Variants in LRCH4 observed in about 807,000 individuals in gnomAD.
LRCH4 encodes leucine-rich repeat and calponin homology domain-containing protein 4.
A neutral mutation model predicts 81.2 loss-of-function variants in LRCH4; 56 were observed. The observed-to-expected ratio is 0.69, with a 90% confidence interval of 0.56 to 0.86. The LOEUF (loss-of-function observed/expected upper bound fraction) is 0.86. LRCH4 is among the 40% of genes least tolerant of loss of function. LRCH4 has a pLI of 0.00. For missense variants in LRCH4, 895 were observed against 922.8 expected, an observed-to-expected ratio of 0.97 and a Z score of 0.39; for synonymous variants, 442 against 409.7, an observed-to-expected ratio of 1.08 and a Z score of -0.95.
rs894646715 is a variant in LRCH4 at position 100,577,488 on chromosome 7, T to C, written c.1178+9A>G. On this transcript the variant is annotated intron_variant, in intron 10 of 17. Transcript: ENST00000310300. The surrounding 1 kb of genome is among the most constrained non-coding windows in gnomAD (Gnocchi z 6.7). ...CGGGCAGTGGCGTCAGTTTGGGGGC[T>C]TGGGGTACCTGCTGCTTGGTGCCCT... 1.2e-6 allele frequency: 2 copies of C among 1,607,902 alleles called. No homozygotes were observed. The highest frequency in any genetic ancestry group is 1.7e-4 in the Middle Eastern group (1 of 6,056).
chr7:100,576,428 G>T, intron 14 of LRCH4, 105 bp from the exon 15 acceptor site: 1 of 804,680 alleles, frequency 1.2e-6, no homozygotes, highest in South Asian at 1.6e-5. Flanking sequence ...TCTGCTTGTG[G>T]GATTTTTTTT....
chr7:100,583,491 G>T lies in LRCH4; in HGVS notation c.221-1032C>A, dbSNP rs1801625106. Among the ~76,000 whole-genome samples the T allele has an allele frequency of 6.6e-6, 1 of 152,186 alleles. No individual in the cohort carries two copies. The highest frequency in any genetic ancestry group is 1.5e-5 in the Non-Finnish European group (1 of 68,020). ...GGCGGAGTCCCAGGCCACAGACCTG[G>T]TGAGCTTCTCCAAGGGCCCTTCTCA... On this transcript the variant is annotated intron_variant, in intron 1 of 17. Transcript: ENST00000310300. This position sits in a 1 kb window ranked among gnomAD's most constrained non-coding sequence, Gnocchi z 4.3.
At position 100,578,801 on chromosome 7, in the gene LRCH4, C is replaced by T. The variant is rs1399884421; in HGVS notation, c.599-15G>A. On this transcript the variant is annotated splice_polypyrimidine_tract_variant and intron_variant, in intron 4 of 17. Coordinates refer to ENST00000310300, the MANE Select transcript of LRCH4 (RefSeq NM_002319.5). This position sits in a 1 kb window ranked among gnomAD's most constrained non-coding sequence, Gnocchi z 5.7. Reference sequence around the variant, plus strand: ...GTCCCCCAGCTCTGGAACAGGTGGGCAAGGGAAAAGTCAGGAACATGCTCA... The same window carrying T: ...GTCCCCCAGCTCTGGAACAGGTGGGTAAGGGAAAAGTCAGGAACATGCTCA... 8.7e-6 allele frequency: 14 copies of T among 1,611,162 alleles called. No homozygotes were observed. Among genetic ancestry groups the T allele is most frequent in the Non-Finnish European group, 1.1e-5 (13 of 1,179,006 alleles).
chr7:100,584,580 C>T lies in LRCH4; in HGVS notation c.220+1301G>A. 3 of 409,760 alleles carry T rather than the reference C, an allele frequency of 7.3e-6. No homozygotes were observed. The Admixed American group carries it at 8.0e-5, about 11-fold the overall frequency. The allele number at this position is 409,760 out of a possible 1,614,324, so 25.4% of individuals were successfully genotyped here. On this transcript the variant is annotated intron_variant, in intron 1 of 17. Coordinates refer to ENST00000310300, the MANE Select transcript of LRCH4 (RefSeq NM_002319.5). ...GGGGAAGGGAACAGACAGTGAGTGT[C>T]ACACAGCTGCTGAGGTCAATCTGGA...
At chr7:100,581,751 C>G (rs1448333596) in intron 4 of LRCH4, 26 bp downstream of exon 4, 2 of 1,607,258 alleles carry the variant, frequency 1.2e-6, no homozygotes, top group Non-Finnish European at 1.7e-6. Flanking sequence ...ACAAACACCT[C>G]CTCTCCAGTT....
Position 100,575,195 on chromosome 7 carries a change from G to A in LRCH4, c.1964C>T (p.Pro655Leu), listed in dbSNP as rs1172041484. 3.1e-6 allele frequency: 5 copies of A among 1,612,666 alleles called. No individual in the cohort carries two copies. Among genetic ancestry groups the A allele is most frequent in the Non-Finnish European group, 3.4e-6 (4 of 1,179,448 alleles). Residue 655 changes from proline (P) to leucine (L), a missense_variant, in exon 18 of 18, where the codon CCC (proline) becomes CTC (leucine). Physicochemically the swap from Pro to Leu is moderately conservative, Grantham distance 98 (BLOSUM62 -3). Coordinates refer to ENST00000310300, the MANE Select transcript of LRCH4 (RefSeq NM_002319.5). This position sits in a 1 kb window ranked among gnomAD's most constrained non-coding sequence, Gnocchi z 5.3. ...GACGAAGCCGCCCAGACCAGAGGGG[G>A]GCCAGAGGGGCGGTAGGGCCTTGCC... ...VGGKALPPLW[P>L]PSGLGGFVVF...
At chr7:100,584,238 T>C (rs1270281864) in intron 1 of LRCH4, 1 of 456,554 alleles carries the variant, frequency 2.2e-6, no homozygotes, top group Admixed American at 2.3e-5. Flanking sequence ...TTCCCCTTTC[T>C]GTCCCTGCTT....
chr7:100,575,290 C>A lies in LRCH4; in HGVS notation c.1869G>T (p.Ser623=). Reference sequence around the variant, plus strand: ...CAGTGCCCTGGAGGAGATCCGAGGGCGAGCACAGGTCAGCCTGGGGGAGAG... The same window carrying A: ...CAGTGCCCTGGAGGAGATCCGAGGGAGAGCACAGGTCAGCCTGGGGGAGAG... ...KMGVPEADLC[S]PSDLLQGTAR... Residue 623 remains serine, a synonymous_variant, in exon 18 of 18, where the codon TCG becomes TCT. Transcript: ENST00000310300. This position sits in a 1 kb window ranked among gnomAD's most constrained non-coding sequence, Gnocchi z 5.3. 1 of 1,553,784 alleles carries A rather than the reference C, an allele frequency of 6.4e-7. No homozygotes were observed. The highest frequency in any genetic ancestry group is 8.7e-7 in the Non-Finnish European group (1 of 1,146,594).
chr7:100,575,549 G>T lies in LRCH4; in HGVS notation c.1854+156C>A, dbSNP rs547855694. 1.2e-3 allele frequency: 1,179 copies of T among 958,534 alleles called. 4 individuals carry two copies. Among genetic ancestry groups the T allele is most frequent in the Non-Finnish European group, 1.5e-3 (884 of 591,378 alleles). 59.4% of individuals were successfully genotyped at this position (958,534 alleles called of 1,614,324 possible). ...TGTAGGACAGGTGACATGCAGGGCA[G>T]GGGGCATGCAGGGCAGGGGGCATGC... On this transcript the variant is annotated intron_variant, in intron 17 of 17. Transcript: ENST00000310300. The surrounding 1 kb of genome is among the most constrained non-coding windows in gnomAD (Gnocchi z 5.3).
Position 100,581,848 on chromosome 7 carries a change from G to T in LRCH4, c.527C>A (p.Ser176Ter), listed in dbSNP as rs577346930. Residue 176 changes from serine (S) to a stop codon, truncating the protein, a stop_gained, in exon 4 of 18, where the codon TCG becomes TAG. Transcript: ENST00000310300. LOFTEE classifies it high-confidence loss of function. ...CAGGGAAGAGAGGCCACACAGTTCC[G>T]AGGGCAGGGATTGGAGCTCGTTGCT... ...VSSNELQSLP[S>*]ELCGLSSLRD... 6.2e-7 allele frequency: 1 copy of T among 1,614,038 alleles called. No individual in the cohort carries two copies. The highest frequency in any genetic ancestry group is 8.5e-7 in the Non-Finnish European group (1 of 1,180,034).
rs756521295 is a variant in LRCH4 at position 100,576,679 on chromosome 7, G to A, written c.1552+15C>T. 49 of 1,577,086 alleles carry A rather than the reference G, an allele frequency of 3.1e-5. 1 individual carries two copies. In the Admixed American group the frequency reaches 8.8e-4, roughly 28 times the overall value. On this transcript the variant is annotated intron_variant, in intron 14 of 17. Coordinates refer to ENST00000310300, the MANE Select transcript of LRCH4 (RefSeq NM_002319.5). ...GCAAGCACTGGGTCAGCACTGGGGAGGGCAGGACACCCACCTGAGCCACTC... is the reference window on the plus strand; with the variant it reads ...GCAAGCACTGGGTCAGCACTGGGGAAGGCAGGACACCCACCTGAGCCACTC...
At position 100,577,234 on chromosome 7, in the gene LRCH4, C is replaced by T; in HGVS notation, c.1295+39G>A. On this transcript the variant is annotated intron_variant, in intron 11 of 17. Transcript: ENST00000310300. This position sits in a 1 kb window ranked among gnomAD's most constrained non-coding sequence, Gnocchi z 6.7. ...GCTCGGTGGCCCCATTTCCAGGGCT[C>T]AGTGTCCAGCAACAGCCCCGGGCGG... 2 of 1,606,526 alleles carry T rather than the reference C, an allele frequency of 1.2e-6. No homozygotes were observed. Among genetic ancestry groups the T allele is most frequent in the Non-Finnish European group, 1.7e-6 (2 of 1,178,912 alleles).
At position 100,584,262 on chromosome 7, in the gene LRCH4, AGAG is replaced by A; in HGVS notation, c.220+1616_220+1618del. 2.4e-5 allele frequency: 11 copies of A among 456,448 alleles called. 1 individual carries two copies. Among genetic ancestry groups the A allele is most frequent in the South Asian group, 1.7e-4 (11 of 64,552 alleles). The allele number at this position is 456,448 out of a possible 1,614,324, so 28.3% of individuals were successfully genotyped here. On this transcript the variant is annotated intron_variant, in intron 1 of 17. Transcript: ENST00000310300. ...CTGTCCCTGCTTGCGGAGAGGGGAC[AGAG>A]GAGAGAATTCTGGACAAGAGGGACC... is the stretch of plus-strand genomic sequence containing the variant.
rs201122249 is a variant in LRCH4, at chr7:100,577,151, G to A, written c.1299C>T (p.Leu433=). Residue 433 remains leucine (L), a synonymous_variant, in exon 12 of 18, where the codon CTC becomes CTT. Coordinates refer to ENST00000310300, the MANE Select transcript of LRCH4 (RefSeq NM_002319.5). This position sits in a 1 kb window ranked among gnomAD's most constrained non-coding sequence, Gnocchi z 6.7. ...GAWGAPRKDS[L]LKPGLRAVVG... ...CAACAGCCCTGAGCCCTGGCTTCAA[G>A]AGGCTGGAACAAGGAGAGGTGGGGT... 2.8e-5 allele frequency: 46 copies of A among 1,614,052 alleles called. No individual in the cohort carries two copies. In the Admixed American group the frequency reaches 7.0e-4, roughly 25 times the overall value.
Position 100,578,714 on chromosome 7 carries a change from CAGA to C in LRCH4, c.668_670del (p.Phe223del). Reference sequence around the variant, plus strand: ...AATGACCTGCAGGTGCCTCAGGCGGCAGAAGGAGACTGGGATTCGGGAGACGCG... The same window carrying C: ...AATGACCTGCAGGTGCCTCAGGCGGCAGGAGACTGGGATTCGGGAGACGCG... On this transcript the variant is annotated inframe_deletion, in exon 5 of 18. Coordinates refer to ENST00000310300, the MANE Select transcript of LRCH4 (RefSeq NM_002319.5). The surrounding 1 kb of genome is among the most constrained non-coding windows in gnomAD (Gnocchi z 5.7). 6.2e-7 allele frequency: 1 copy of C among 1,614,158 alleles called. No homozygotes were observed. The highest frequency in any genetic ancestry group is 8.5e-7 in the Non-Finnish European group (1 of 1,180,026).
In LRCH4 at chr7:100,578,541, T is replaced by C. The variant is rs1385031114; in HGVS notation, c.736-30A>G. The C allele has an allele frequency of 2.5e-6, 4 of 1,604,154 alleles. 1 individual carries two copies. Among genetic ancestry groups the C allele is most frequent in the South Asian group, 2.2e-5 (2 of 90,230 alleles). On this transcript the variant is annotated intron_variant, in intron 5 of 17. Transcript: ENST00000310300. The surrounding 1 kb of genome is among the most constrained non-coding windows in gnomAD (Gnocchi z 5.7). The stretch of plus-strand genomic sequence containing the variant: ...GTGCGGGGCAGCACACGCCAGGGAG[T>C]TGGCAGGGAGGGCAGCTCCCCGGAT...
chr7:100,585,790 G>T, intron 1 of LRCH4, 91 bp downstream of exon 1: 1 of 1,361,340 alleles, frequency 7.3e-7, no homozygotes, highest in South Asian at 1.6e-5. Context: ...GCCAGGTGAA[G>T]GGGCGGGCCC....
Position 100,578,433 on chromosome 7 carries a change from G to A in LRCH4, c.814C>T (p.Leu272=), listed in dbSNP as rs779591158. 6.2e-7 allele frequency: 1 copy of A among 1,614,026 alleles called. No individual in the cohort carries two copies. Among genetic ancestry groups the A allele is most frequent in the Non-Finnish European group, 8.5e-7 (1 of 1,179,974 alleles). The change falls in exon 6 of 18, where the codon CTG becomes TTG. Residue 272 remains leucine, a synonymous_variant. Coordinates refer to ENST00000310300, the MANE Select transcript of LRCH4 (RefSeq NM_002319.5). This position sits in a 1 kb window ranked among gnomAD's most constrained non-coding sequence, Gnocchi z 5.7. ...AAACTCGGGGGCCGAGAAGGGGCCA[G>A]GTCCCCCAGGGCCGACCCACGCTGC... ...AGQRGSALGD[L]APSRPPSFSP... is the part of the protein sequence containing the mutation.
intron 1 of LRCH4, chr7:100,584,108 TGGGAGAC>T: frequency 2.2e-6 from 1 of 455,928 alleles, no homozygotes; most frequent in South Asian, 1.6e-5. Flanking sequence ...CAGAAAGAGA[TGGGAGAC>T]GGGAGGGGAA....
Sources: allele counts gnomAD v4.1 joint callset (sites outside exome capture counted in the v4.1 genomes callset), GRCh38; gene constraint gnomAD v4.1.1; non-coding constraint Gnocchi (gnomAD v3.1); transcripts MANE v1.5; gene names NCBI Gene and HGNC (gene_info 2026-07-23, HGNC 2026-07-21).